The following USP31 variants were observed in gnomAD, a reference collection of about 807,000 sequenced individuals.
USP31 encodes ubiquitin specific peptidase 31, also known as ubiquitin carboxyl-terminal hydrolase 31.
USP31 carries 44 observed loss-of-function variants against 119.4 expected under a neutral mutation model. The observed-to-expected ratio is 0.37, with a 90% confidence interval of 0.29 to 0.47. The LOEUF (loss-of-function observed/expected upper bound fraction) is 0.47. Among genes scored for constraint, USP31 ranks in the 20% least tolerant of loss-of-function variants. The pLI, the probability that USP31 is intolerant of heterozygous loss-of-function variation, is 0.99. For missense variants in USP31, 1,643 were observed against 1,730.2 expected, an observed-to-expected ratio of 0.95 and a Z score of 0.89; for synonymous variants, 749 against 705.6, an observed-to-expected ratio of 1.06 and a Z score of -0.97.
chr16:23,101,673 G>A (rs1386405350), intron 6 of USP31, among the ~76,000 whole-genome samples: 1 of 152,078 alleles, frequency 6.6e-6, no homozygotes, highest in Non-Finnish European at 1.5e-5. Context: ...CACTGGGGTA[G>A]AGCAAAAGAA....
chr16:23,124,997 GTACTTC>G (rs1902803766), intron 1 of USP31, among the ~76,000 whole-genome samples: 1 of 152,164 alleles, frequency 6.6e-6, no homozygotes, highest in Non-Finnish European at 1.5e-5. Flanking sequence ...GAGGTGGAAC[GTACTTC>G]TCATCAGCAC....
Position 23,068,923 on chromosome 16 carries a change from G to C in USP31, c.3182C>G (p.Pro1061Arg), listed in dbSNP as rs1365770438. 6.2e-7 allele frequency: 1 copy of C among 1,609,316 alleles called. No individual in the cohort carries two copies. The highest frequency in any genetic ancestry group is 2.2e-5 in the East Asian group (1 of 44,878). Residue 1061 changes from proline to arginine, a missense_variant, in exon 16 of 16, where the codon CCT becomes CGT. By Grantham distance (103) the Pro-to-Arg change is moderately radical. This residue lies in a region of USP31 where 699 missense variants were observed against 650.9 expected (regional missense o/e 1.07). Coordinates refer to ENST00000219689, the MANE Select transcript of USP31 (RefSeq NM_020718.4). ...CTTTAGAGAGACTTTTACAGGAAGA[G>C]GAGAAGAAGGGGATGTACTTGAAAG... ...SSLSSTSPSS[P>R]LPVKVSLKPS...
chr16:23,081,267 G>T (rs201877947), intron 12 of USP31, among the ~76,000 whole-genome samples: 1 of 152,168 alleles, frequency 6.6e-6, no homozygotes, highest in East Asian at 1.9e-4. Context: ...TGTGTCTGGG[G>T]AAGGAGAAAC....
At chr16:23,113,015 C>T (rs1346522538) in intron 1 of USP31, among the ~76,000 whole-genome samples, 1 of 149,970 alleles carries the variant, frequency 6.7e-6, no homozygotes, top group East Asian at 2.0e-4. Context: ...GCAACAAGAG[C>T]GAAACTCCGT....
intron 1 of USP31, among the ~76,000 whole-genome samples, chr16:23,142,425 G>A (rs1472477835): frequency 6.6e-6 from 1 of 152,202 alleles, no homozygotes; most frequent in Non-Finnish European, 1.5e-5. Context: ...CACAGTCTCA[G>A]AGGAAAAAAT....
At chr16:23,126,388 G>A (rs1902856038) in intron 1 of USP31, among the ~76,000 whole-genome samples, 1 of 151,056 alleles carries the variant, frequency 6.6e-6, no homozygotes, top group Admixed American at 6.6e-5. Context: ...ACTTTGGGAG[G>A]CTGAGGCGGG....
At chr16:23,103,676 A>C (rs2141870429) in intron 5 of USP31, among the ~76,000 whole-genome samples, 1 of 152,344 alleles carries the variant, frequency 6.6e-6, no homozygotes, top group African/African-American at 2.4e-5. Context: ...GCACTTTGGG[A>C]GGCCAAGACA....
At chr16:23,139,558 A>C (rs1399657053) in intron 1 of USP31, among the ~76,000 whole-genome samples, 6 of 152,186 alleles carry the variant, frequency 3.9e-5, no homozygotes, top group Non-Finnish European at 8.8e-5. Context: ...CTGCCCCTTA[A>C]GAGGTCCTCT....
intron 13 of USP31, among the ~76,000 whole-genome samples, chr16:23,074,622 C>G (rs1900483083): frequency 6.6e-6 from 1 of 152,188 alleles, no homozygotes; most frequent in South Asian, 2.1e-4. Flanking sequence ...ACTTGAAGCC[C>G]TATCCTGCCC....
At chr16:23,143,383 G>A (rs1410014957) in intron 1 of USP31, among the ~76,000 whole-genome samples, 1 of 152,148 alleles carries the variant, frequency 6.6e-6, no homozygotes, top group Non-Finnish European at 1.5e-5. Context: ...AGAATCTGGG[G>A]CACCCATGCT....
At chr16:23,100,098 C>T (rs578226683) in intron 6 of USP31, among the ~76,000 whole-genome samples, 3 of 152,264 alleles carry the variant, frequency 2.0e-5, no homozygotes, top group Admixed American at 2.0e-4. Flanking sequence ...CACGGTGCAG[C>T]CACTTTGGAA....
intron 1 of USP31, among the ~76,000 whole-genome samples, chr16:23,109,919 A>G (rs1046701730): frequency 3.9e-5 from 6 of 152,122 alleles, no homozygotes; most frequent in African/African-American, 1.4e-4. Flanking sequence ...CTGAGAAACA[A>G]TAACAGACCA....
rs112611979 is a variant in USP31, at chr16:23,110,985, A to G, written c.634-2802T>C. Among the ~76,000 whole-genome samples the G allele has an allele frequency of 5.9e-3, 904 of 152,068 alleles. 6 individuals carry two copies. The highest frequency in any genetic ancestry group is 0.021 in the African/African-American group (851 of 41,478). ...CTACTAAAAATACAAAAAATTAGCC[A>G]GGCGTGGTGGTGGGCGCCTGTAGTC... On this transcript the variant is annotated intron_variant, in intron 1 of 15. Transcript: ENST00000219689.
intron 1 of USP31, among the ~76,000 whole-genome samples, chr16:23,126,474 A>T (rs1173066590): frequency 6.6e-6 from 1 of 151,598 alleles, no homozygotes; most frequent in Non-Finnish European, 1.5e-5. Context: ...AAAAAAAAAA[A>T]AAATTAGCTG....
chr16:23,145,885 T>C (rs1903488987), intron 1 of USP31, among the ~76,000 whole-genome samples: 2 of 152,144 alleles, frequency 1.3e-5, no homozygotes, highest in African/African-American at 4.8e-5. Context: ...CTTCAATAAA[T>C]GGGAGGTGAA....
chr16:23,102,267 A>G (rs577361746), intron 6 of USP31, 52 bp downstream of exon 6: 4 of 1,564,324 alleles, frequency 2.6e-6, no homozygotes, highest in East Asian at 2.3e-5. Flanking sequence ...AAGGTAGACT[A>G]TAGTTAAACC....
intron 1 of USP31, among the ~76,000 whole-genome samples, chr16:23,109,434 A>G (rs568221682): frequency 1.3e-5 from 2 of 152,326 alleles, no homozygotes; most frequent in Non-Finnish European, 2.9e-5. Flanking sequence ...AAAGTATAAA[A>G]AAGTATAAAT....
chr16:23,132,596 C>T (rs193050612), intron 1 of USP31, among the ~76,000 whole-genome samples: 79 of 152,282 alleles, frequency 5.2e-4, no homozygotes, highest in Non-Finnish European at 8.8e-4. Context: ...ATGATTACAG[C>T]TGTTATCTTG....
intron 5 of USP31, among the ~76,000 whole-genome samples, chr16:23,103,752 G>A (rs1596713101): frequency 1.3e-5 from 2 of 151,908 alleles, no homozygotes; most frequent in Admixed American, 6.6e-5. Context: ...TCGTCTCTAC[G>A]AAAAATACAA....
Sources: gnomAD v4.1 joint callset for allele counts (sites outside exome capture counted in the v4.1 genomes callset) on GRCh38, gnomAD v4.1.1 for gene constraint, gnomAD v4.1.1 regional missense constraint, MANE v1.5 for transcripts, NCBI Gene and HGNC (gene_info 2026-07-23, HGNC 2026-07-21) for gene names.